LMX1B: variants seen among roughly 807,000 people sequenced by gnomAD.
LMX1B encodes the protein LIM homeobox transcription factor 1-beta.
Under a neutral mutation model 51.4 loss-of-function variants are expected in LMX1B, and 12 were observed. The observed-to-expected ratio is 0.23, with a 90% CI of 0.15 to 0.38. The LOEUF is 0.38. Ranked by LOEUF, LMX1B falls within the 10% of genes least tolerant of loss-of-function variation. LMX1B has a pLI of 1.00. For synonymous variants in LMX1B, 237 were observed against 235.4 expected (o/e 1.01, Z -0.06); for missense variants, 445 against 571.1 (o/e 0.78, Z 2.25).
At chr9:126,650,794 C>A (rs900704830) in intron 2 of LMX1B, among the ~76,000 whole-genome samples, 1 of 152,174 alleles carries the variant, frequency 6.6e-6, no homozygotes, top group Non-Finnish European at 1.5e-5. Flanking sequence ...GTGCCCTGGG[C>A]GGCCCTCGGC....
At chr9:126,668,073 G>A (rs1010205571) in intron 2 of LMX1B, among the ~76,000 whole-genome samples, 1 of 152,142 alleles carries the variant, frequency 6.6e-6, no homozygotes, top group African/African-American at 2.4e-5. Context: ...GGCAGGTTGA[G>A]GGACTGAAAG....
rs1415342369 is a variant in LMX1B, at chr9:126,698,427, A to G, written c.*1976A>G. On this transcript the variant is annotated 3_prime_UTR_variant, in exon 8 of 8. Transcript: ENST00000373474. ...TCTTTGGGGGACACATTCCAATTGC[A>G]TTTCCTGCCCCCTTCTCCCAGGGCA... is the stretch of plus-strand genomic sequence containing the variant. 1 of 152,246 alleles carries G rather than the reference A, an allele frequency of 6.6e-6. No individual in the cohort carries two copies. The highest frequency in any genetic ancestry group is 2.4e-5 in the African/African-American group (1 of 41,422). 9.4% of individuals were successfully genotyped at this position (152,246 alleles called of 1,614,324 possible).
chr9:126,626,751 T>G lies in LMX1B; in HGVS notation c.326+11182T>G, dbSNP rs978168042. ...AAGGAGGCGGCGGCGGAGCAAACTCTGCGGATTAGGTTTCAGCGCCTCCGC... is the reference window on the plus strand; with the variant it reads ...AAGGAGGCGGCGGCGGAGCAAACTCGGCGGATTAGGTTTCAGCGCCTCCGC... On this transcript the variant is annotated intron_variant, in intron 2 of 7. Transcript: ENST00000373474. This position sits in a 1 kb window ranked among gnomAD's most constrained non-coding sequence, Gnocchi z 4.3. Among the ~76,000 whole-genome samples the G allele has an allele frequency of 2.6e-5, 4 of 152,184 alleles. No homozygotes were observed. The East Asian group carries it at 7.7e-4, about 29-fold the overall frequency.
At chr9:126,654,990 C>T (rs1836085892) in intron 2 of LMX1B, among the ~76,000 whole-genome samples, 1 of 152,244 alleles carries the variant, frequency 6.6e-6, no homozygotes, top group Non-Finnish European at 1.5e-5. Flanking sequence ...CTGTGACACC[C>T]AGTCCTGGGT....
intron 6 of LMX1B, among the ~76,000 whole-genome samples, chr9:126,694,137 C>T (rs1210651771): frequency 6.6e-6 from 1 of 152,140 alleles, no homozygotes; most frequent in Non-Finnish European, 1.5e-5. Flanking sequence ...GGAGGGTTGG[C>T]AGAATTTCTG....
At chr9:126,637,494 G>T (rs1024909716) in intron 2 of LMX1B, among the ~76,000 whole-genome samples, 3 of 152,076 alleles carry the variant, frequency 2.0e-5, no homozygotes, top group South Asian at 4.2e-4. Flanking sequence ...GGTTGTGGGT[G>T]ATTCTGTGGT....
chr9:126,678,348 G>C (rs1361325021), intron 2 of LMX1B, among the ~76,000 whole-genome samples: 1 of 144,864 alleles, frequency 6.9e-6, no homozygotes, highest in Admixed American at 6.8e-5. Flanking sequence ...AAAACAAAAA[G>C]ACTGCGGAGA....
rs530801272 is a variant in LMX1B, at chr9:126,664,556, G to A, written c.327-26280G>A. 1.8e-4 allele frequency among the ~76,000 whole-genome samples: 28 copies of A among 152,302 alleles called. No individual in the cohort carries two copies. In the South Asian group the frequency reaches 5.0e-3, roughly 27 times the overall value. On this transcript the variant is annotated intron_variant, in intron 2 of 7. Transcript: ENST00000373474. The stretch of plus-strand genomic sequence containing the variant: ...AATGGGAACATGTCACAGAGATAGC[G>A]CATGGCCCGTACTAGGTACTTAATA...
intron 2 of LMX1B, among the ~76,000 whole-genome samples, chr9:126,633,802 T>G (rs1193671460): frequency 6.6e-6 from 1 of 152,182 alleles, no homozygotes; most frequent in Non-Finnish European, 1.5e-5. Context: ...CAGCCACTGA[T>G]TTAAGGATCA....
intron 2 of LMX1B, among the ~76,000 whole-genome samples, chr9:126,647,277 T>G (rs1158547979): frequency 6.6e-6 from 1 of 151,948 alleles, no homozygotes; most frequent in Non-Finnish European, 1.5e-5. Context: ...AAATGAAAGA[T>G]CCTTCCCCCT....
chr9:126,670,624 G>A (rs1187192222), intron 2 of LMX1B, among the ~76,000 whole-genome samples: 1 of 152,144 alleles, frequency 6.6e-6, no homozygotes, highest in African/African-American at 2.4e-5. Context: ...TGTGTGAGTG[G>A]ACACGGGTGA....
At position 126,700,681 on chromosome 9, in the gene LMX1B, T is replaced by G. The variant is rs2030512833; in HGVS notation, c.*4230T>G. ...GGACTGGGGGAGCAGGAAAGACCCC[T>G]CCAACATTTGGCCCTTGGAAGGCAC... On this transcript the variant is annotated 3_prime_UTR_variant, in exon 8 of 8. Transcript: ENST00000373474. The G allele has an allele frequency of 6.6e-6, 1 of 152,154 alleles. No individual in the cohort carries two copies. Among genetic ancestry groups the G allele is most frequent in the South Asian group, 2.1e-4 (1 of 4,824 alleles). 9.4% of individuals were successfully genotyped at this position (152,154 alleles called of 1,614,324 possible). A position where few individuals can be genotyped will look rare whatever the true frequency, so the allele number is the denominator to read the frequency against.
intron 2 of LMX1B, chr9:126,640,868 C>G (rs934169317): frequency 1.3e-5 from 2 of 152,286 alleles, no homozygotes; most frequent in Non-Finnish European, 2.9e-5. Context: ...CCAGGGGTGG[C>G]CTTCTGCCCT....
At position 126,618,204 on chromosome 9, in the gene LMX1B, C is replaced by T. The variant is rs1835339462; in HGVS notation, c.326+2635C>T. Among the ~76,000 whole-genome samples the T allele has an allele frequency of 6.6e-6, 1 of 152,154 alleles. No individual in the cohort carries two copies. The highest frequency in any genetic ancestry group is 6.5e-5 in the Admixed American group (1 of 15,284). Reference sequence around the variant, plus strand: ...CGGTATTGAGAAATTAACAATCCCCCCACCAAACACAACTTCTGAAAAATG... The same window carrying T: ...CGGTATTGAGAAATTAACAATCCCCTCACCAAACACAACTTCTGAAAAATG... On this transcript the variant is annotated intron_variant, in intron 2 of 7. Transcript: ENST00000373474. The surrounding 1 kb of genome is among the most constrained non-coding windows in gnomAD (Gnocchi z 4.5).
intron 2 of LMX1B, among the ~76,000 whole-genome samples, chr9:126,621,067 C>T (rs1047636843): frequency 6.6e-6 from 1 of 152,116 alleles, no homozygotes; most frequent in African/African-American, 2.4e-5. Flanking sequence ...TCCAAGGAGC[C>T]GCCTTTGTCC....
Position 126,693,620 on chromosome 9 carries a change from T to A in LMX1B, c.819+19T>A. On this transcript the variant is annotated intron_variant, in intron 5 of 7. Transcript: ENST00000373474. Reference sequence around the variant, plus strand: ...AGCAAAGGTAAGAGGCCACCCCCCATCCCCACTGGCCCCGGGTAGGGTGGG... The same window carrying A: ...AGCAAAGGTAAGAGGCCACCCCCCAACCCCACTGGCCCCGGGTAGGGTGGG... The A allele has an allele frequency of 1.2e-6, 2 of 1,613,232 alleles. No individual in the cohort carries two copies. The highest frequency in any genetic ancestry group is 1.7e-6 in the Non-Finnish European group (2 of 1,179,504).
chr9:126,670,220 C>T (rs962679968), intron 2 of LMX1B, among the ~76,000 whole-genome samples: 1 of 152,232 alleles, frequency 6.6e-6, no homozygotes, highest in East Asian at 1.9e-4. Flanking sequence ...GAAACAGCCC[C>T]CACAGCTGCC....
Position 126,626,923 on chromosome 9 carries a change from C to T in LMX1B, c.326+11354C>T, listed in dbSNP as rs958095166. 2.0e-5 allele frequency among the ~76,000 whole-genome samples: 3 copies of T among 152,208 alleles called. No homozygotes were observed. Among genetic ancestry groups the T allele is most frequent in the Non-Finnish European group, 4.4e-5 (3 of 68,034 alleles). On this transcript the variant is annotated intron_variant, in intron 2 of 7. Transcript: ENST00000373474. This position sits in a 1 kb window ranked among gnomAD's most constrained non-coding sequence, Gnocchi z 4.3. ...ACGCAGATGGTTCCTATCAGCCCGG[C>T]CGGGCCCGCAGCGTCCGCCGGTCCG...
At chr9:126,657,549 C>T (rs1303878066) in intron 2 of LMX1B, among the ~76,000 whole-genome samples, 1 of 152,204 alleles carries the variant, frequency 6.6e-6, no homozygotes, top group Non-Finnish European at 1.5e-5. Context: ...AGAAGATCCA[C>T]AGACTTTGGA....
Sources: gnomAD v4.1 joint callset for allele counts (sites outside exome capture counted in the v4.1 genomes callset) on GRCh38, gnomAD v4.1.1 for gene constraint, Gnocchi (gnomAD v3.1) non-coding constraint, MANE v1.5 for transcripts, NCBI Gene and HGNC (gene_info 2026-07-23, HGNC 2026-07-21) for gene names.